AP2B1: variants seen among roughly 807,000 people sequenced by gnomAD.
AP2B1 encodes the protein adaptor related protein complex 2 subunit beta 1.
A neutral mutation model predicts 102.0 loss-of-function variants in AP2B1; 23 were observed. The ratio of observed to expected loss-of-function variants is 0.23; its 90% CI spans 0.16 to 0.32. The LOEUF (loss-of-function observed/expected upper bound fraction) is 0.32. AP2B1 is among the 10% of genes least tolerant of loss of function. The pLI is 1.00. For missense variants in AP2B1, 541 were observed against 1,157.4 expected, an observed-to-expected ratio of 0.47 and a Z score of 7.73; for synonymous variants, 381 against 421.2, an observed-to-expected ratio of 0.90 and a Z score of 1.17.
At chr17:35,665,535 GAC>G (rs1329710149) in intron 14 of AP2B1, among the ~76,000 whole-genome samples, 1 of 152,166 alleles carries the variant, frequency 6.6e-6, no homozygotes, top group African/African-American at 2.4e-5. Flanking sequence ...CTGTTAGAAA[GAC>G]ACACACTGAT....
Position 35,718,473 on chromosome 17 carries a change from C to G in AP2B1, c.2781+1124C>G, listed in dbSNP as rs1725389730. The stretch of plus-strand genomic sequence containing the variant: ...CTCCCCAACCCCCCACCAGTCTCAT[C>G]TCTTTTGGAGAGTAACATACACTGT... On this transcript the variant is annotated intron_variant, in intron 21 of 21. Transcript: ENST00000610402. Among the ~76,000 whole-genome samples, 5 of 152,106 alleles carry G rather than the reference C, an allele frequency of 3.3e-5. No homozygotes were observed. In the South Asian group the frequency reaches 1.0e-3, roughly 32 times the overall value.
chr17:35,634,384 T>C (rs756041004), intron 9 of AP2B1, among the ~76,000 whole-genome samples: 7 of 152,220 alleles, frequency 4.6e-5, no homozygotes, highest in Non-Finnish European at 7.3e-5. Context: ...TATTGGGTGA[T>C]TCTCTGTACT....
intron 8 of AP2B1, 55 bp from the exon 9 acceptor site, chr17:35,627,576 T>C (rs1196213741): frequency 1.3e-5 from 21 of 1,612,892 alleles, no homozygotes; most frequent in Non-Finnish European, 1.8e-5. Flanking sequence ...GAAGCTAGGC[T>C]GTGAGATTGC....
intron 5 of AP2B1, 81 bp downstream of exon 5, chr17:35,608,468 T>A: frequency 6.6e-7 from 1 of 1,514,280 alleles, no homozygotes; most frequent in Non-Finnish European, 9.1e-7. Flanking sequence ...GAACCTTGTC[T>A]TTGGAATACT....
chr17:35,636,665 C>T (rs759696362), intron 10 of AP2B1, among the ~76,000 whole-genome samples: 9 of 152,194 alleles, frequency 5.9e-5, no homozygotes, highest in Non-Finnish European at 1.2e-4. Flanking sequence ...AATTGAAGCT[C>T]TGCCTGAATA....
Position 35,671,743 on chromosome 17 carries a change from T to C in AP2B1, c.2032-11T>C. On this transcript the variant is annotated splice_polypyrimidine_tract_variant and intron_variant, in intron 15 of 21. Coordinates refer to ENST00000610402, the MANE Select transcript of AP2B1 (RefSeq NM_001030006.2). ...CCAATCTCCCCTCTCCCTTTTTTTT[T>C]TCTCCTGCAGGTGGGACAATCCTTC... The C allele has an allele frequency of 6.2e-7, 1 of 1,612,924 alleles. No individual in the cohort carries two copies. Among genetic ancestry groups the C allele is most frequent in the Non-Finnish European group, 8.5e-7 (1 of 1,179,540 alleles).
intron 10 of AP2B1, among the ~76,000 whole-genome samples, chr17:35,638,839 G>T (rs2074686995): frequency 6.7e-6 from 1 of 150,064 alleles, no homozygotes; most frequent in Admixed American, 6.7e-5. Context: ...GCAGAGATAA[G>T]TGGATTAAGG....
chr17:35,597,167 G>C (rs1045527032), intron 2 of AP2B1: 2 of 471,214 alleles, frequency 4.2e-6, no homozygotes, highest in Admixed American at 3.4e-5. Flanking sequence ...ATGAGATCTG[G>C]TTGAAAGGAA....
At chr17:35,721,020 T>A (rs2085375392) in intron 21 of AP2B1, among the ~76,000 whole-genome samples, 1 of 152,172 alleles carries the variant, frequency 6.6e-6, no homozygotes, top group Non-Finnish European at 1.5e-5. Flanking sequence ...GTTCCTATTA[T>A]ACTATTAATC....
rs1240544960 is a variant in AP2B1, at chr17:35,725,342, C to T, written c.*1643C>T. 3 of 152,180 alleles carry T rather than the reference C, an allele frequency of 2.0e-5. No homozygotes were observed. Among genetic ancestry groups the T allele is most frequent in the Non-Finnish European group, 2.9e-5 (2 of 68,040 alleles). The allele number at this position is 152,180 out of a possible 1,614,324, so 9.4% of individuals were successfully genotyped here. A position where few individuals can be genotyped will look rare whatever the true frequency, so the allele number is the denominator to read the frequency against. On this transcript the variant is annotated 3_prime_UTR_variant, in exon 22 of 22. Transcript: ENST00000610402. ...TGCCCTGCTTAAATCAGGGGCACTT[C>T]AGGCTCCACAGGCGTCATGTTGGAC...
At chr17:35,695,420 G>A (rs2076122367) in intron 18 of AP2B1, among the ~76,000 whole-genome samples, 1 of 151,988 alleles carries the variant, frequency 6.6e-6, no homozygotes, top group Non-Finnish European at 1.5e-5. Flanking sequence ...TCCCTGTGAG[G>A]CACACAGCTG....
chr17:35,680,700 G>T (rs56032800), intron 17 of AP2B1, among the ~76,000 whole-genome samples: 46,959 of 127,410 alleles, frequency 0.37, 8,419 homozygotes, highest in African/African-American at 0.44. Flanking sequence ...TTTTTTTTTT[G>T]TTTTTTTTTT....
intron 18 of AP2B1, among the ~76,000 whole-genome samples, chr17:35,691,865 G>A (rs2076048814): frequency 6.6e-6 from 1 of 152,166 alleles, no homozygotes; most frequent in African/African-American, 2.4e-5. Context: ...TATTCTTCAT[G>A]TCCCATCAGG....
intron 18 of AP2B1, among the ~76,000 whole-genome samples, chr17:35,701,459 T>C (rs951209869): frequency 1.3e-5 from 2 of 152,222 alleles, no homozygotes; most frequent in Non-Finnish European, 2.9e-5. Context: ...ACTTCAAAGA[T>C]ATTTTGTTCT....
At chr17:35,692,926 C>T (rs934296764) in intron 18 of AP2B1, among the ~76,000 whole-genome samples, 2 of 151,630 alleles carry the variant, frequency 1.3e-5, no homozygotes, top group South Asian at 4.2e-4. Flanking sequence ...TGATTTGCTA[C>T]TCTAAATGAC....
intron 18 of AP2B1, among the ~76,000 whole-genome samples, chr17:35,685,404 A>C (rs2075910575): frequency 6.6e-6 from 1 of 152,228 alleles, no homozygotes; most frequent in African/African-American, 2.4e-5. Context: ...CAACAAGGTT[A>C]AACTATATAT....
chr17:35,679,458 G>A (rs1265138030), intron 17 of AP2B1, among the ~76,000 whole-genome samples: 1 of 151,564 alleles, frequency 6.6e-6, no homozygotes, highest in African/African-American at 2.4e-5. Context: ...TCTGGGAATG[G>A]GGCTGTCTTC....
chr17:35,673,751 A>G (rs1366788515), intron 16 of AP2B1, among the ~76,000 whole-genome samples: 2 of 152,204 alleles, frequency 1.3e-5, no homozygotes, highest in Non-Finnish European at 2.9e-5. Context: ...GATTACAGCC[A>G]TGCTGTTTTC....
At chr17:35,612,635 CAT>C (rs1220142604) in intron 5 of AP2B1, among the ~76,000 whole-genome samples, 5 of 152,048 alleles carry the variant, frequency 3.3e-5, no homozygotes, top group African/African-American at 1.2e-4. Context: ...GAGGTTATTC[CAT>C]GTTACAGGTC....
Sources: gnomAD v4.1 joint callset for allele counts (sites outside exome capture counted in the v4.1 genomes callset) on GRCh38, gnomAD v4.1.1 for gene constraint, MANE v1.5 for transcripts, NCBI Gene and HGNC (gene_info 2026-07-23, HGNC 2026-07-21) for gene names.